The following RABL2B variants were observed in gnomAD, a reference collection of about 807,000 sequenced individuals.
RABL2B encodes RAB, member of RAS oncogene family like 2B, also known as rab-like protein 2B.
RABL2B carries 17 observed loss-of-function variants against 26.7 expected under a neutral mutation model. The ratio of observed to expected loss-of-function variants is 0.64; its 90% CI spans 0.44 to 0.95. RABL2B has a LOEUF of 0.95. RABL2B is among the 40% of genes least tolerant of loss of function. The pLI is 0.00. For missense variants in RABL2B, 170 were observed against 277.2 expected, an observed-to-expected ratio of 0.61 and a Z score of 2.75; for synonymous variants, 70 against 103.9, an observed-to-expected ratio of 0.67 and a Z score of 1.99.
intron 3 of RABL2B, among the ~76,000 whole-genome samples, chr22:50,777,031 G>C (rs1162608736): frequency 2.0e-5 from 3 of 152,180 alleles, no homozygotes; most frequent in Non-Finnish European, 2.9e-5. Flanking sequence ...GTCATAAAAG[G>C]CATCATGCAG....
chr22:50,779,553 G>C (rs538277890), intron 2 of RABL2B, among the ~76,000 whole-genome samples: 2 of 152,082 alleles, frequency 1.3e-5, no homozygotes, highest in African/African-American at 4.8e-5. Context: ...GGGGGGGTGT[G>C]CCTTTGCCCT....
intron 1 of RABL2B, among the ~76,000 whole-genome samples, chr22:50,782,551 A>G (rs1243392734): frequency 6.6e-6 from 1 of 151,934 alleles, no homozygotes; most frequent in Non-Finnish European, 1.5e-5. Flanking sequence ...GCGCACCCCA[A>G]ATGCTGCTCC....
chr22:50,783,272 C>G (rs1261072390), intron 1 of RABL2B: 1 of 158,876 alleles, frequency 6.3e-6, no homozygotes, highest in African/African-American at 2.4e-5. Flanking sequence ...ACTTGCTTGT[C>G]CGTGTCCTTG....
In RABL2B at chr22:50,768,656, T is replaced by C. The variant is rs2083699543; in HGVS notation, c.*120A>G. On this transcript the variant is annotated 3_prime_UTR_variant, in exon 9 of 9. Coordinates refer to ENST00000691320, the MANE Select transcript of RABL2B (RefSeq NM_001130919.3). ...CCTAGAATGTGGGAGGCTAATAGGA[T>C]GGGTGGGTTGCAGGAGGTAGAAGAG... 3 of 1,489,394 alleles carry C rather than the reference T, an allele frequency of 2.0e-6. No homozygotes were observed. Among genetic ancestry groups the C allele is most frequent in the Middle Eastern group, 2.3e-4 (1 of 4,370 alleles). The allele number at this position is 1,489,394 out of a possible 1,614,324, so 92.3% of individuals were successfully genotyped here.
intron 2 of RABL2B, among the ~76,000 whole-genome samples, chr22:50,779,971 ACT>A (rs1201925916): frequency 6.6e-6 from 1 of 152,016 alleles, no homozygotes; most frequent in Non-Finnish European, 1.5e-5. Context: ...ACAGAGCAAG[ACT>A]CTGTCTCCAA....
In RABL2B at chr22:50,767,834, A is replaced by G. The variant is rs1555914659; in HGVS notation, c.*942T>C. On this transcript the variant is annotated 3_prime_UTR_variant, in exon 9 of 9. Coordinates refer to ENST00000691320, the MANE Select transcript of RABL2B (RefSeq NM_001130919.3). ...TCGATTTTACGGCTTGTGTATTCCT[A>G]ACTATAGCTAGGCCTGTCACCTGCT... 1 of 438,208 alleles carries G rather than the reference A, an allele frequency of 2.3e-6. No homozygotes were observed. The highest frequency in any genetic ancestry group is 2.0e-5 in the African/African-American group (1 of 48,944). The allele number at this position is 438,208 out of a possible 1,614,324, so 27.1% of individuals were successfully genotyped here.
intron 3 of RABL2B, 95 bp from the exon 4 acceptor site, chr22:50,776,844 T>C: frequency 6.8e-7 from 1 of 1,478,196 alleles, no homozygotes; most frequent in South Asian, 1.2e-5. Context: ...ATCCTCTCCC[T>C]CCTCTTCTCT....
intron 2 of RABL2B, among the ~76,000 whole-genome samples, chr22:50,781,343 C>CGAAAAA (rs1263511006): frequency 1.7e-5 from 1 of 59,680 alleles, no homozygotes; most frequent in African/African-American, 5.8e-5. Flanking sequence ...GACTCCGTCT[C>CGAAAAA]AAAAAAAAAA....
Position 50,767,625 on chromosome 22 carries a change from C to G in RABL2B, c.*1151G>C. 3.0e-6 allele frequency: 1 copy of G among 334,940 alleles called. No homozygotes were observed. The highest frequency in any genetic ancestry group is 5.8e-6 in the Non-Finnish European group (1 of 171,038). 20.7% of individuals were successfully genotyped at this position (334,940 alleles called of 1,614,324 possible). The stretch of plus-strand genomic sequence containing the variant: ...AAACATACTAGCAAGCCACAAGTAC[C>G]AGAGAGGGGTGAACAGGCATATCTG... On this transcript the variant is annotated 3_prime_UTR_variant, in exon 9 of 9. Coordinates refer to ENST00000691320, the MANE Select transcript of RABL2B (RefSeq NM_001130919.3).
chr22:50,773,936 C>T (rs1240035506), intron 5 of RABL2B, among the ~76,000 whole-genome samples: 3 of 152,080 alleles, frequency 2.0e-5, no homozygotes, highest in African/African-American at 7.2e-5. Flanking sequence ...GCTCTGTCGC[C>T]GAGGCTGGAG....
At position 50,769,437 on chromosome 22, in the gene RABL2B, C is replaced by T. The variant is rs782084698; in HGVS notation, c.507+18G>A. ...CTAGCGCCCTGACCTTGCTAGCTAC[C>T]TCTGCAGTCAACCACACCTTCACAA... On this transcript the variant is annotated intron_variant, in intron 7 of 8. Transcript: ENST00000691320. The T allele has an allele frequency of 6.2e-7, 1 of 1,611,932 alleles. No individual in the cohort carries two copies. Among genetic ancestry groups the T allele is most frequent in the South Asian group, 1.1e-5 (1 of 90,962 alleles).
At chr22:50,769,592 G>A in intron 6 of RABL2B, 40 bp from the exon 7 acceptor site, 1 of 1,613,184 alleles carries the variant, frequency 6.2e-7, no homozygotes, top group Non-Finnish European at 8.5e-7. Flanking sequence ...TCTGTCAAGG[G>A]AAGGGAAGAA....
At chr22:50,770,908 TA>T (rs1445448475) in intron 5 of RABL2B, among the ~76,000 whole-genome samples, 2 of 136,506 alleles carry the variant, frequency 1.5e-5, no homozygotes, top group Admixed American at 6.9e-5. Flanking sequence ...TTTATTTTTT[TA>T]TTTTTTTTTT....
chr22:50,778,516 T>C (rs1235428948), intron 2 of RABL2B, among the ~76,000 whole-genome samples: 2 of 152,060 alleles, frequency 1.3e-5, no homozygotes, highest in Admixed American at 6.5e-5. Flanking sequence ...CTATTGGTTA[T>C]TGAGAGGACC....
intron 2 of RABL2B, chr22:50,780,569 T>C: frequency 2.4e-6 from 1 of 409,608 alleles, no homozygotes; most frequent in South Asian, 1.9e-5. Flanking sequence ...GCAGTAATTC[T>C]TGAGTCCAGT....
chr22:50,767,745 G>C lies in RABL2B; in HGVS notation c.*1031C>G, dbSNP rs2146888440. 3 of 454,618 alleles carry C rather than the reference G, an allele frequency of 6.6e-6. No homozygotes were observed. In the Admixed American group the frequency reaches 7.1e-5, roughly 11 times the overall value. The allele number at this position is 454,618 out of a possible 1,614,324, so 28.2% of individuals were successfully genotyped here. A position where few individuals can be genotyped will look rare whatever the true frequency, so the allele number is the denominator to read the frequency against. On this transcript the variant is annotated 3_prime_UTR_variant, in exon 9 of 9. Coordinates refer to ENST00000691320, the MANE Select transcript of RABL2B (RefSeq NM_001130919.3). ...GGACAGCCTCTTTATGCTGAAATAG[G>C]AACTTTAAAGGAAGCTCTTCTTGTA...
intron 1 of RABL2B, 71 bp from the exon 2 acceptor site, chr22:50,782,418 C>A (rs2086034613): frequency 6.6e-7 from 1 of 1,517,418 alleles, no homozygotes; most frequent in Non-Finnish European, 9.0e-7. Flanking sequence ...AGCTGTACCT[C>A]CCTCCAGACT....
intron 2 of RABL2B, among the ~76,000 whole-genome samples, chr22:50,780,206 G>A (rs1406033582): frequency 2.5e-4 from 37 of 149,642 alleles, no homozygotes; most frequent in African/African-American, 8.6e-4. Context: ...GCCCTGAGTG[G>A]AATCAAGAAG....
At chr22:50,772,748 G>A in intron 5 of RABL2B, 1 of 1,084,798 alleles carries the variant, frequency 9.2e-7, no homozygotes, top group Non-Finnish European at 1.1e-6. Context: ...TCCTTATAAA[G>A]GATGTCTGTA....
Sources: allele counts gnomAD v4.1 joint callset (sites outside exome capture counted in the v4.1 genomes callset), GRCh38; gene constraint gnomAD v4.1.1; transcripts MANE v1.5; gene names NCBI Gene and HGNC (gene_info 2026-07-23, HGNC 2026-07-21).